NIBAN2: variants seen among roughly 807,000 people sequenced by gnomAD.
NIBAN2 encodes the protein niban apoptosis regulator 2.
Under a neutral mutation model 81.8 loss-of-function variants are expected in NIBAN2, and 36 were observed. The ratio of observed to expected loss-of-function variants is 0.44; its 90% CI spans 0.34 to 0.58. NIBAN2 has a LOEUF of 0.58. NIBAN2 is among the 20% of genes least tolerant of loss of function. The probability of loss-of-function intolerance (pLI) is 0.02; values close to 1 mark genes in which losing one functional copy is unlikely to be tolerated. For synonymous variants in NIBAN2, 445 were observed against 441.6 expected, an observed-to-expected ratio of 1.01 and a Z score of -0.10; for missense variants, 897 against 1,014.1, an observed-to-expected ratio of 0.88 and a Z score of 1.57.
At chr9:127,552,365 G>T (rs191630816) in intron 1 of NIBAN2, among the ~76,000 whole-genome samples, 18 of 152,272 alleles carry the variant, frequency 1.2e-4, no homozygotes, top group Admixed American at 6.5e-4. Flanking sequence ...TTAAGGCCAG[G>T]AGTTTCAGAC....
At chr9:127,568,684 C>T in intron 1 of NIBAN2, 136 bp downstream of exon 1, 1 of 745,222 alleles carries the variant, frequency 1.3e-6, no homozygotes, top group African/African-American at 1.9e-5. Context: ...GCGGGGCACG[C>T]TCCCTGGCAG....
intron 9 of NIBAN2, 53 bp downstream of exon 9, chr9:127,510,093 C>T (rs1295556625): frequency 1.3e-6 from 2 of 1,526,222 alleles, no homozygotes; most frequent in African/African-American, 2.7e-5. Context: ...CCCTCTGGGA[C>T]AGACCAGACC....
At chr9:127,534,871 AAAG>A (rs1837245751) in intron 1 of NIBAN2, among the ~76,000 whole-genome samples, 1 of 152,224 alleles carries the variant, frequency 6.6e-6, no homozygotes, top group Non-Finnish European at 1.5e-5. Context: ...ATAATAGAGA[AAAG>A]AGGATGGAAG....
chr9:127,536,327 G>A lies in NIBAN2; in HGVS notation c.56-4549C>T, dbSNP rs1456012958. On this transcript the variant is annotated intron_variant, in intron 1 of 13. Transcript: ENST00000373312. The surrounding 1 kb of genome is among the most constrained non-coding windows in gnomAD (Gnocchi z 4.0). ...TTCCTGGCTGGACCCTGCTGGAAGA[G>A]GACCCAGGCGAGCACTGCAGCCCTG... Among the ~76,000 whole-genome samples the A allele has an allele frequency of 1.3e-5, 2 of 152,170 alleles. No homozygotes were observed. Among genetic ancestry groups the A allele is most frequent in the South Asian group, 4.1e-4 (2 of 4,832 alleles).
chr9:127,568,914 G>T lies in NIBAN2; in HGVS notation c.-40C>A. The T allele has an allele frequency of 8.0e-7, 1 of 1,246,072 alleles. No individual in the cohort carries two copies. The highest frequency in any genetic ancestry group is 2.7e-5 in the South Asian group (1 of 37,206). 77.2% of individuals were successfully genotyped at this position (1,246,072 alleles called of 1,614,324 possible). A position where few individuals can be genotyped will look rare whatever the true frequency, so the allele number is the denominator to read the frequency against. ...GCGGCCCGATCCGGCCGACGCCGCC[G>T]CTGTTGCCCGCGCTGCTCAGGCGGA... On this transcript the variant is annotated 5_prime_UTR_variant, in exon 1 of 14. Coordinates refer to ENST00000373312, the MANE Select transcript of NIBAN2 (RefSeq NM_022833.4).
At chr9:127,510,489 T>A (rs1588151697) in intron 8 of NIBAN2, among the ~76,000 whole-genome samples, 156 bp from the exon 9 acceptor site, 1 of 152,210 alleles carries the variant, frequency 6.6e-6, no homozygotes, top group East Asian at 1.9e-4. Flanking sequence ...CAGGCTGGAG[T>A]GCAGTGGCGC....
chr9:127,560,400 T>C (rs1837752507), intron 1 of NIBAN2, among the ~76,000 whole-genome samples: 1 of 151,904 alleles, frequency 6.6e-6, no homozygotes, highest in Non-Finnish European at 1.5e-5. Flanking sequence ...CCTCCTCCCA[T>C]CCACACTCAC....
At chr9:127,510,078 C>T (rs901458469) in intron 9 of NIBAN2, 68 bp downstream of exon 9, 208 of 1,447,266 alleles carry the variant, frequency 1.4e-4, no homozygotes, top group Non-Finnish European at 1.8e-4. Context: ...GTCACGCAGC[C>T]GGGGCCCTCT....
rs1263538742 is a variant in NIBAN2 at position 127,544,724 on chromosome 9, G to A, written c.56-12946C>T. Among the ~76,000 whole-genome samples the A allele has an allele frequency of 2.6e-5, 4 of 152,114 alleles. No individual in the cohort carries two copies. The East Asian group carries it at 5.8e-4, about 22-fold the overall frequency. On this transcript the variant is annotated intron_variant, in intron 1 of 13. Coordinates refer to ENST00000373312, the MANE Select transcript of NIBAN2 (RefSeq NM_022833.4). ...TCACCACGTTGGTCAGGCTGGTCTC[G>A]AATTCCTGACCTCAGGTGATCCACC...
At chr9:127,525,938 G>C (rs966628682) in intron 3 of NIBAN2, among the ~76,000 whole-genome samples, 1 of 152,132 alleles carries the variant, frequency 6.6e-6, no homozygotes, top group Non-Finnish European at 1.5e-5. Flanking sequence ...GTAGCAGGGG[G>C]CAAAGCAGTT....
chr9:127,558,056 T>C (rs1268718763), intron 1 of NIBAN2, among the ~76,000 whole-genome samples: 1 of 152,078 alleles, frequency 6.6e-6, no homozygotes, highest in African/African-American at 2.4e-5. Context: ...CCCTTCCCCC[T>C]CCTCTTTTCC....
chr9:127,507,300 T>A lies in NIBAN2; in HGVS notation c.1786A>T (p.Ser596Cys). The change falls in exon 14 of 14, where the codon AGC (serine) becomes TGC (cysteine). Residue 596 changes from serine to cysteine, a missense_variant. Ser to Cys is a moderately radical substitution (Grantham distance 112, BLOSUM62 -1). Around this residue, in one of 3 missense-constraint regions of NIBAN2, gnomAD observed 619 missense variants for 691.0 expected, o/e 0.90. Coordinates refer to ENST00000373312, the MANE Select transcript of NIBAN2 (RefSeq NM_022833.4). The surrounding 1 kb of genome is among the most constrained non-coding windows in gnomAD (Gnocchi z 6.8). ...PIDWGEEYSN[S>C]GGGGSPSPST... ...GGGCTGGGGCTGCCGCCCCCGCCGC[T>A]GTTGCTGTACTCCTCGCCCCAGTCG... The A allele has an allele frequency of 6.3e-7, 1 of 1,595,560 alleles. No individual in the cohort carries two copies.
chr9:127,520,534 G>C (rs549380207), intron 5 of NIBAN2, among the ~76,000 whole-genome samples: 1 of 151,858 alleles, frequency 6.6e-6, no homozygotes, highest in South Asian at 2.1e-4. Flanking sequence ...CACCGCACCC[G>C]CCCTTGGTCC....
chr9:127,543,725 C>G (rs1483030230), intron 1 of NIBAN2, among the ~76,000 whole-genome samples: 1 of 152,180 alleles, frequency 6.6e-6, no homozygotes, highest in Non-Finnish European at 1.5e-5. Context: ...CTGGCTGGAC[C>G]GCCCTTCCCT....
At position 127,510,250 on chromosome 9, in the gene NIBAN2, G is replaced by A; in HGVS notation, c.1057C>T (p.Pro353Ser). The change falls in exon 9 of 14, where the codon CCC (proline) becomes TCC (serine). Residue 353 changes from proline to serine, a missense_variant. Around this residue, in one of 3 missense-constraint regions of NIBAN2, gnomAD observed 619 missense variants for 691.0 expected, o/e 0.90. Coordinates refer to ENST00000373312, the MANE Select transcript of NIBAN2 (RefSeq NM_022833.4). ...ACCTCAGTGAAGCCCTGGCTGGTGG[G>A]GACCATCAGGGCCTCCAGGATGGAT... is the stretch of plus-strand genomic sequence containing the variant. Reference protein sequence around the residue: ...IPSILEALMVPTSQGFTEVRD... With the variant: ...IPSILEALMVSTSQGFTEVRD... The A allele has an allele frequency of 1.2e-6, 2 of 1,613,984 alleles. No homozygotes were observed. The highest frequency in any genetic ancestry group is 1.7e-6 in the Non-Finnish European group (2 of 1,179,896).
rs983273810 is a variant in NIBAN2, at chr9:127,547,625, G to T, written c.56-15847C>A. Among the ~76,000 whole-genome samples the T allele has an allele frequency of 2.6e-5, 4 of 152,094 alleles. No homozygotes were observed. In the South Asian group the frequency reaches 8.3e-4, roughly 32 times the overall value. On this transcript the variant is annotated intron_variant, in intron 1 of 13. Transcript: ENST00000373312. ...GGCCAAGGTGGGCAGATCATCTGAG[G>T]TCGGGAGTTCGAGACCAACCTGACC...
chr9:127,574,952 C>T (rs1390689309), intron 1 of NIBAN2, among the ~76,000 whole-genome samples: 1 of 152,206 alleles, frequency 6.6e-6, no homozygotes, highest in Non-Finnish European at 1.5e-5. Context: ...ACTGCCACCC[C>T]AAGTCCAGGG....
intron 5 of NIBAN2, among the ~76,000 whole-genome samples, chr9:127,521,050 C>A (rs2254601): frequency 1 from 152,276 of 152,276 alleles, 76,138 homozygotes; most frequent in Non-Finnish European, 1. Context: ...TGACACCTTG[C>A]CCTCGACTCA....
chr9:127,532,456 C>T (rs1212917337), intron 1 of NIBAN2, among the ~76,000 whole-genome samples: 1 of 152,012 alleles, frequency 6.6e-6, no homozygotes, highest in South Asian at 2.1e-4. Flanking sequence ...ATCAGCAGGG[C>T]ATGGTGGCAG....
Sources: gnomAD v4.1 joint callset for allele counts (sites outside exome capture counted in the v4.1 genomes callset) on GRCh38, gnomAD v4.1.1 for gene constraint, gnomAD v4.1.1 regional missense constraint, Gnocchi (gnomAD v3.1) non-coding constraint, MANE v1.5 for transcripts, NCBI Gene and HGNC (gene_info 2026-07-23, HGNC 2026-07-21) for gene names.